Variants in BMPR1A observed in about 807,000 individuals in gnomAD.
BMPR1A encodes bone morphogenetic protein receptor type-1A.
In BMPR1A, 7 loss-of-function variants were observed where a neutral mutation model predicts 66.0. The ratio of observed to expected loss-of-function variants is 0.11; its 90% CI spans 0.06 to 0.20. The LOEUF (loss-of-function observed/expected upper bound fraction) is 0.20. Among genes scored for constraint, BMPR1A ranks in the 10% least tolerant of loss-of-function variants. BMPR1A has a pLI of 1.00. For synonymous variants in BMPR1A, 200 were observed against 229.7 expected (o/e 0.87, Z 1.17); for missense variants, 408 against 669.1 (o/e 0.61, Z 4.31).
intron 1 of BMPR1A, among the ~76,000 whole-genome samples, chr10:86,773,877 A>T (rs1365143835): frequency 6.8e-6 from 1 of 147,224 alleles, no homozygotes; most frequent in Non-Finnish European, 1.5e-5. Context: ...TTTGAGACAG[A>T]GTCTTACTCT....
chr10:86,928,665 C>CA (rs1843779703), downstream of BMPR1A: 1 of 151,240 alleles, frequency 6.6e-6, no homozygotes, highest in African/African-American at 2.4e-5. Flanking sequence ...TCTTTTCAAT[C>CA]TTTTTTTTTG....
intron 2 of BMPR1A, among the ~76,000 whole-genome samples, chr10:86,851,990 A>C (rs1259966092): frequency 6.6e-6 from 1 of 152,202 alleles, no homozygotes; most frequent in African/African-American, 2.4e-5. Context: ...AAGCTGAGGC[A>C]GGAGGATGGC....
At chr10:86,923,099 A>G (rs1843691003) in intron 11 of BMPR1A, among the ~76,000 whole-genome samples, 1 of 152,224 alleles carries the variant, frequency 6.6e-6, no homozygotes, top group Non-Finnish European at 1.5e-5. Flanking sequence ...TAAATGGCTG[A>G]TTTCGCCTTG....
At chr10:86,787,204 G>A (rs1841529846) in intron 1 of BMPR1A, among the ~76,000 whole-genome samples, 1 of 152,082 alleles carries the variant, frequency 6.6e-6, no homozygotes, top group African/African-American at 2.4e-5. Flanking sequence ...TTGCATAAGA[G>A]CACAGAAACA....
chr10:86,759,984 C>T (rs1382844651), intron 1 of BMPR1A, among the ~76,000 whole-genome samples: 3 of 147,782 alleles, frequency 2.0e-5, no homozygotes, highest in African/African-American at 2.5e-5. Flanking sequence ...ACTCCACCCC[C>T]ACCCCCTAAC....
At chr10:86,767,914 A>G (rs965084989) in intron 1 of BMPR1A, among the ~76,000 whole-genome samples, 6 of 152,176 alleles carry the variant, frequency 3.9e-5, no homozygotes, top group Non-Finnish European at 7.3e-5. Context: ...CCTATGTCCA[A>G]CTGTTGTCCT....
chr10:86,772,036 T>C (rs1323224029), intron 1 of BMPR1A, among the ~76,000 whole-genome samples: 1 of 150,884 alleles, frequency 6.6e-6, no homozygotes, highest in Admixed American at 6.6e-5. Flanking sequence ...TATCCAAAAT[T>C]CTTCCCACAT....
intron 1 of BMPR1A, among the ~76,000 whole-genome samples, chr10:86,827,184 TTAAG>T (rs961163565): frequency 1.3e-5 from 2 of 152,206 alleles, no homozygotes; most frequent in African/African-American, 4.8e-5. Context: ...TAGTTTTTTC[TTAAG>T]TTTTACCACA....
chr10:86,909,682 TAGG>T (rs1843448687), intron 7 of BMPR1A, among the ~76,000 whole-genome samples: 1 of 151,888 alleles, frequency 6.6e-6, no homozygotes. Context: ...GGAAACTGGA[TAGG>T]AGGAGGAGAG....
intron 1 of BMPR1A, among the ~76,000 whole-genome samples, chr10:86,788,013 T>C (rs955036467): frequency 3.3e-5 from 5 of 151,916 alleles, no homozygotes; most frequent in Non-Finnish European, 5.9e-5. Context: ...GGTTCAACCA[T>C]AGAGGAAGAG....
chr10:86,760,889 C>T (rs1266068565), intron 1 of BMPR1A, among the ~76,000 whole-genome samples: 1 of 152,184 alleles, frequency 6.6e-6, no homozygotes, highest in Non-Finnish European at 1.5e-5. Flanking sequence ...TGTTGACTTG[C>T]ATTGAGTTAT....
At chr10:86,885,038 G>A (rs750120206) in intron 3 of BMPR1A, among the ~76,000 whole-genome samples, 1 of 152,108 alleles carries the variant, frequency 6.6e-6, no homozygotes, top group Non-Finnish European at 1.5e-5. Flanking sequence ...TGGCCCTGCC[G>A]CAAAATCTTT....
chr10:86,821,564 G>GCAACTTAGCAAT (rs1842120573), intron 1 of BMPR1A, among the ~76,000 whole-genome samples: 1 of 152,048 alleles, frequency 6.6e-6, no homozygotes, highest in Non-Finnish European at 1.5e-5. Context: ...TCTCTAGAGA[G>GCAACTTAGCAAT]GCTGCATTTA....
intron 2 of BMPR1A, among the ~76,000 whole-genome samples, chr10:86,841,873 A>G (rs759817534): frequency 1.2e-4 from 18 of 152,346 alleles, no homozygotes; most frequent in Admixed American, 2.0e-4. Context: ...TGAACGTTCC[A>G]TAAAAATCCA....
At chr10:86,914,488 T>A (rs1462874774) in intron 8 of BMPR1A, among the ~76,000 whole-genome samples, 3 of 152,080 alleles carry the variant, frequency 2.0e-5, no homozygotes, top group Non-Finnish European at 4.4e-5. Flanking sequence ...TGATACAGGG[T>A]TTTTGTGCAA....
chr10:86,932,174 A>G (rs141913278), downstream of BMPR1A: 22 of 152,354 alleles, frequency 1.4e-4, no homozygotes, highest in East Asian at 2.9e-3. Context: ...TGTATCGTGT[A>G]TGCACACATT....
rs1207331757 is a variant in BMPR1A, at chr10:86,857,751, C to CAA, written c.-152-18101_-152-18100dup. Among the ~76,000 whole-genome samples the CAA allele has an allele frequency of 4.6e-3, 400 of 87,046 alleles. 1 individual carries two copies. The highest frequency in any genetic ancestry group is 0.03 in the East Asian group (91 of 3,012). The allele number at this position is 87,046 out of a possible 152,430, so 57.1% of individuals were successfully genotyped here. The stretch of plus-strand genomic sequence containing the variant: ...CTGGCTTTCTCCAGATCTAGTGATC[C>CAA]AAAAAAAAAAAAAAAACAAGGAGAA... On this transcript the variant is annotated intron_variant, in intron 2 of 12. Transcript: ENST00000372037.
At chr10:86,798,643 TC>T in intron 1 of BMPR1A, among the ~76,000 whole-genome samples, 1 of 152,352 alleles carries the variant, frequency 6.6e-6, no homozygotes, top group Non-Finnish European at 1.5e-5. Context: ...CCTTGTAATA[TC>T]TTAAAGGAAC....
chr10:86,803,083 C>T (rs946004468), intron 1 of BMPR1A, among the ~76,000 whole-genome samples: 4 of 149,356 alleles, frequency 2.7e-5, no homozygotes, highest in Admixed American at 1.3e-4. Flanking sequence ...AGTCAGTTGT[C>T]AAATCAAAGT....
Sources: gnomAD v4.1 joint callset for allele counts (sites outside exome capture counted in the v4.1 genomes callset) on GRCh38, gnomAD v4.1.1 for gene constraint, MANE v1.5 for transcripts, NCBI Gene and HGNC (gene_info 2026-07-23, HGNC 2026-07-21) for gene names.